SCN4B: variants seen among roughly 807,000 people sequenced by gnomAD.
SCN4B encodes sodium channel regulatory subunit beta-4.
SCN4B carries 20 observed loss-of-function variants against 19.6 expected under a neutral mutation model. That is an observed-to-expected ratio of 1.02 (90% CI 0.72 to 1.48). SCN4B has a LOEUF of 1.48. Ranked by LOEUF, SCN4B falls within the 40% of genes most tolerant of loss-of-function variation. SCN4B has a pLI of 0.00. For synonymous variants in SCN4B, 127 were observed against 122.8 expected, an observed-to-expected ratio of 1.03 and a Z score of -0.22; for missense variants, 271 against 287.5, an observed-to-expected ratio of 0.94 and a Z score of 0.42.
rs1051480285 is a variant in SCN4B at position 118,141,574 on chromosome 11, C to T, written c.464-238G>A. 32 of 581,222 alleles carry T rather than the reference C, an allele frequency of 5.5e-5. 1 individual carries two copies. In the African/African-American group the frequency reaches 5.8e-4, roughly 11 times the overall value. 36.0% of individuals were successfully genotyped at this position (581,222 alleles called of 1,614,324 possible). On this transcript the variant is annotated intron_variant, in intron 3 of 4. Transcript: ENST00000324727. ...CCCTCTCCCCCACCCTGCACATGCC[C>T]TCCCACAGATGCACTCACACGAGTT...
At position 118,141,008 on chromosome 11, in the gene SCN4B, A is replaced by C. The variant is rs555963008; in HGVS notation, c.593+199T>G. Among the ~76,000 whole-genome samples the C allele has an allele frequency of 1.1e-4, 16 of 151,930 alleles. No homozygotes were observed. In the South Asian group the frequency reaches 3.3e-3, roughly 32 times the overall value. ...TTCAATGAACGTATTCAATAAATACATATTGGGAGGATGAGGAAGAGGGAA... is the reference window on the plus strand; with the variant it reads ...TTCAATGAACGTATTCAATAAATACCTATTGGGAGGATGAGGAAGAGGGAA... On this transcript the variant is annotated intron_variant, in intron 4 of 4. Coordinates refer to ENST00000324727, the MANE Select transcript of SCN4B (RefSeq NM_174934.4).
chr11:118,136,291 G>A lies in SCN4B; in HGVS notation c.*736C>T. On this transcript the variant is annotated 3_prime_UTR_variant, in exon 5 of 5. Coordinates refer to ENST00000324727, the MANE Select transcript of SCN4B (RefSeq NM_174934.4). ...CATAGGGAGCACTCGGGTACTCCAGGAAGGCTCGAGGGGCCCCTTCCTGAG... is the reference window on the plus strand; with the variant it reads ...CATAGGGAGCACTCGGGTACTCCAGAAAGGCTCGAGGGGCCCCTTCCTGAG... 1 of 453,914 alleles carries A rather than the reference G, an allele frequency of 2.2e-6. No individual in the cohort carries two copies. The highest frequency in any genetic ancestry group is 4.4e-6 in the Non-Finnish European group (1 of 226,720). The allele number at this position is 453,914 out of a possible 1,614,324, so 28.1% of individuals were successfully genotyped here.
Position 118,135,646 on chromosome 11 carries a change from T to C in SCN4B, c.*1381A>G, listed in dbSNP as rs918641349. On this transcript the variant is annotated 3_prime_UTR_variant, in exon 5 of 5. Coordinates refer to ENST00000324727, the MANE Select transcript of SCN4B (RefSeq NM_174934.4). ...TCTCCAAGATTCAGTCACTGGCCAA[T>C]TCCAGCCTCATGGCCCCCTCTATGA... The C allele has an allele frequency of 1.5e-5, 7 of 454,250 alleles. No homozygotes were observed. The highest frequency in any genetic ancestry group is 1.2e-4 in the African/African-American group (6 of 49,978). 28.1% of individuals were successfully genotyped at this position (454,250 alleles called of 1,614,324 possible).
chr11:118,149,301 A>G (rs1181989130), intron 1 of SCN4B, among the ~76,000 whole-genome samples: 1 of 152,168 alleles, frequency 6.6e-6, no homozygotes, highest in Non-Finnish European at 1.5e-5. Flanking sequence ...GCAGGCTGGT[A>G]CCCACTCTAA....
chr11:118,147,404 C>G (rs1042001914), intron 1 of SCN4B, among the ~76,000 whole-genome samples: 1 of 152,234 alleles, frequency 6.6e-6, no homozygotes, highest in East Asian at 1.9e-4. Context: ...AATGAGGAAA[C>G]AGGCTTAAAA....
chr11:118,152,733 G>A lies in SCN4B; in HGVS notation c.-60C>T. ...GGGATGGGATACTGGGCACAGCCGC[G>A]CTCTCCGCCCGAGGTCGGCGTTCGG... On this transcript the variant is annotated 5_prime_UTR_variant, in exon 1 of 5. Coordinates refer to ENST00000324727, the MANE Select transcript of SCN4B (RefSeq NM_174934.4). The A allele has an allele frequency of 3.6e-6, 5 of 1,375,830 alleles. No homozygotes were observed. The Admixed American group carries it at 6.1e-5, about 17-fold the overall frequency. 85.2% of individuals were successfully genotyped at this position (1,375,830 alleles called of 1,614,324 possible). A position where few individuals can be genotyped will look rare whatever the true frequency, so the allele number is the denominator to read the frequency against.
At position 118,143,985 on chromosome 11, in the gene SCN4B, A is replaced by G; in HGVS notation, c.311T>C (p.Val104Ala). 3 of 1,614,138 alleles carry G rather than the reference A, an allele frequency of 1.9e-6. No homozygotes were observed. The highest frequency in any genetic ancestry group is 1.7e-6 in the Non-Finnish European group (2 of 1,179,984). ...GTTCATCTTCTCCTTAGTAGAGCCT[A>G]CCAGAGTGATGCGGTCATCGTCTTT... ...TLKDDDRITL[V>A]GSTKEKMNNI... The change falls in exon 3 of 5, where the codon GTA becomes GCA. Residue 104 changes from valine (V) to alanine (A), a missense_variant. By Grantham distance (64) the Val-to-Ala change is moderately conservative. Coordinates refer to ENST00000324727, the MANE Select transcript of SCN4B (RefSeq NM_174934.4).
In SCN4B at chr11:118,136,853, A is replaced by T. The variant is rs1008462764; in HGVS notation, c.*174T>A. ...CATCCCTTGTCCCTGGGGAGCCCTGACTGGGAAGGGGATGGGCAGGCTGGG... is the reference window on the plus strand; with the variant it reads ...CATCCCTTGTCCCTGGGGAGCCCTGTCTGGGAAGGGGATGGGCAGGCTGGG... On this transcript the variant is annotated 3_prime_UTR_variant, in exon 5 of 5. Coordinates refer to ENST00000324727, the MANE Select transcript of SCN4B (RefSeq NM_174934.4). 5 of 690,800 alleles carry T rather than the reference A, an allele frequency of 7.2e-6. No homozygotes were observed. Among genetic ancestry groups the T allele is most frequent in the Admixed American group, 6.1e-5 (3 of 49,492 alleles). 42.8% of individuals were successfully genotyped at this position (690,800 alleles called of 1,614,324 possible).
chr11:118,150,711 T>C (rs1591438990), intron 1 of SCN4B, among the ~76,000 whole-genome samples: 1 of 152,326 alleles, frequency 6.6e-6, no homozygotes, highest in Non-Finnish European at 1.5e-5. Flanking sequence ...CCAACTCTGA[T>C]GTTCCCAGGG....
At chr11:118,140,882 T>C (rs192281911) in intron 4 of SCN4B, among the ~76,000 whole-genome samples, 31 of 152,268 alleles carry the variant, frequency 2.0e-4, no homozygotes, top group African/African-American at 6.5e-4. Context: ...TTAAGTCCTT[T>C]GGTAAGGCTC....
At chr11:118,151,122 G>GCGCACA (rs1046976711) in intron 1 of SCN4B, among the ~76,000 whole-genome samples, 8 of 149,246 alleles carry the variant, frequency 5.4e-5, no homozygotes, top group East Asian at 2.0e-4. Flanking sequence ...TTACACACGT[G>GCGCACA]CACACACACA....
rs1555096169 is a variant in SCN4B, at chr11:118,136,093, G to GGGGGAGAAGCGGGGGAGAAGCA, written c.*933_*934insTGCTTCTCCCCCGCTTCTCCCC. 31 of 367,444 alleles carry GGGGGAGAAGCGGGGGAGAAGCA rather than the reference G, an allele frequency of 8.4e-5. No individual in the cohort carries two copies. In the African/African-American group the frequency reaches 9.9e-4, roughly 12 times the overall value. 22.8% of individuals were successfully genotyped at this position (367,444 alleles called of 1,614,324 possible). A position where few individuals can be genotyped will look rare whatever the true frequency, so the allele number is the denominator to read the frequency against. On this transcript the variant is annotated 3_prime_UTR_variant, in exon 5 of 5. Transcript: ENST00000324727. ...GGAGGGTGCAGCCTCTCAGGTAGGA[G>GGGGGAGAAGCGGGGGAGAAGCA]GGGGAGAAGCAGGGGAGAGCTGGGC...
Position 118,137,053 on chromosome 11 carries a change from C to T in SCN4B, c.661G>A (p.Glu221Lys), listed in dbSNP as rs992079470. 1 of 1,613,930 alleles carries T rather than the reference C, an allele frequency of 6.2e-7. No homozygotes were observed. Among genetic ancestry groups the T allele is most frequent in the Non-Finnish European group, 8.5e-7 (1 of 1,179,764 alleles). Reference protein sequence around the residue: ...TENGLPGSKAEEKPPSKV With the variant: ...TENGLPGSKAKEKPPSKV ...CACACTTTTGAAGGTGGTTTCTCCT[C>T]TGCCTTGGAGCCAGGCAAGCCGTTC... Residue 221 changes from glutamate to lysine, a missense_variant, in exon 5 of 5, where the codon GAG becomes AAG. Transcript: ENST00000324727.
chr11:118,137,984 C>A (rs747858240), intron 4 of SCN4B, among the ~76,000 whole-genome samples: 1 of 152,130 alleles, frequency 6.6e-6, no homozygotes, highest in Non-Finnish European at 1.5e-5. Context: ...TTTGGTGGGA[C>A]GGAGCAGAAG....
intron 2 of SCN4B, 133 bp downstream of exon 2, chr11:118,144,923 CT>C: frequency 6.9e-6 from 6 of 863,726 alleles, no homozygotes; most frequent in Non-Finnish European, 1.2e-5. Context: ...GAAAAGAATA[CT>C]GGGAGAAAGG....
chr11:118,149,886 G>A (rs2135508802), intron 1 of SCN4B, among the ~76,000 whole-genome samples: 1 of 152,328 alleles, frequency 6.6e-6, no homozygotes, highest in Non-Finnish European at 1.5e-5. Flanking sequence ...GCCCCCACAG[G>A]CTTGCACCTC....
intron 1 of SCN4B, among the ~76,000 whole-genome samples, chr11:118,150,486 T>C (rs1278567355): frequency 6.6e-6 from 1 of 152,162 alleles, no homozygotes; most frequent in Non-Finnish European, 1.5e-5. Context: ...GCCTCACTTA[T>C]TCTTCAGCCC....
At chr11:118,150,407 T>C (rs1201455053) in intron 1 of SCN4B, among the ~76,000 whole-genome samples, 1 of 152,146 alleles carries the variant, frequency 6.6e-6, no homozygotes, top group East Asian at 1.9e-4. Context: ...CTGTACCCAG[T>C]CTCCGAAGCT....
At position 118,136,211 on chromosome 11, in the gene SCN4B, A is replaced by T. The variant is rs1302544881; in HGVS notation, c.*816T>A. 4.4e-6 allele frequency: 2 copies of T among 453,788 alleles called. No individual in the cohort carries two copies. Among genetic ancestry groups the T allele is most frequent in the South Asian group, 3.1e-5 (2 of 64,452 alleles). The allele number at this position is 453,788 out of a possible 1,614,324, so 28.1% of individuals were successfully genotyped here. The stretch of plus-strand genomic sequence containing the variant: ...GGGGCGGGCATCCCAGAGGCCCAGG[A>T]CACTGGCTCACTACCTCTGTGGCCC... On this transcript the variant is annotated 3_prime_UTR_variant, in exon 5 of 5. Coordinates refer to ENST00000324727, the MANE Select transcript of SCN4B (RefSeq NM_174934.4).
Sources: allele counts gnomAD v4.1 joint callset (sites outside exome capture counted in the v4.1 genomes callset), GRCh38; gene constraint gnomAD v4.1.1; transcripts MANE v1.5; gene names NCBI Gene and HGNC (gene_info 2026-07-23, HGNC 2026-07-21).